ARHGAP24: variants seen among roughly 807,000 people sequenced by gnomAD.
The protein encoded by ARHGAP24 is Rho GTPase activating protein 24, also known as rho GTPase-activating protein 24.
ARHGAP24 carries 50 observed loss-of-function variants against 76.4 expected under a neutral mutation model. The observed-to-expected ratio is 0.65, with a 90% CI of 0.52 to 0.83. The LOEUF is 0.83. Among genes scored for constraint, ARHGAP24 ranks in the 40% least tolerant of loss-of-function variants. The pLI, the probability that ARHGAP24 is intolerant of heterozygous loss-of-function variation, is 0.00. For missense variants in ARHGAP24, 930 were observed against 914.2 expected (o/e 1.02, Z -0.22); for synonymous variants, 345 against 323.3 (o/e 1.07, Z -0.72).
chr4:85,981,232 G>A (rs1260683739), intron 8 of ARHGAP24, among the ~76,000 whole-genome samples: 1 of 152,122 alleles, frequency 6.6e-6, no homozygotes, highest in East Asian at 1.9e-4. Context: ...ATTCAGACTA[G>A]AGCATTTAGC....
At chr4:85,684,365 A>G (rs1400075913) in intron 2 of ARHGAP24, among the ~76,000 whole-genome samples, 1 of 152,182 alleles carries the variant, frequency 6.6e-6, no homozygotes. Context: ...ATGATTAATG[A>G]TGAAATATAT....
At chr4:85,896,274 A>G (rs926951460) in intron 3 of ARHGAP24, among the ~76,000 whole-genome samples, 2 of 152,170 alleles carry the variant, frequency 1.3e-5, no homozygotes, top group South Asian at 2.1e-4. Flanking sequence ...TTACTTTTTT[A>G]TGTTTACGAT....
chr4:85,510,821 C>T (rs1311249721), intron 1 of ARHGAP24, among the ~76,000 whole-genome samples: 1 of 5,114 alleles, frequency 2.0e-4, no homozygotes, highest in African/African-American at 2.7e-4. Flanking sequence ...TCCTCCTCCT[C>T]CTTCTCTCTC....
intron 2 of ARHGAP24, among the ~76,000 whole-genome samples, chr4:85,638,426 A>C (rs1033812360): frequency 6.6e-6 from 1 of 152,178 alleles, no homozygotes; most frequent in Non-Finnish European, 1.5e-5. Flanking sequence ...AAAGGGATGC[A>C]TTCTTCCACT....
At chr4:85,510,894 C>T (rs13145248) in intron 1 of ARHGAP24, among the ~76,000 whole-genome samples, 149,651 of 151,410 alleles carry the variant, frequency 0.99, 73,976 homozygotes, top group East Asian at 1. Flanking sequence ...GAAAGGAGAA[C>T]CCATGCCTCT....
chr4:85,794,443 T>G (rs1326883798), intron 3 of ARHGAP24, among the ~76,000 whole-genome samples: 1 of 152,204 alleles, frequency 6.6e-6, no homozygotes, highest in Non-Finnish European at 1.5e-5. Flanking sequence ...TATACAATGC[T>G]TTTTAAATAT....
chr4:85,996,571 A>C (rs758621129), intron 9 of ARHGAP24, among the ~76,000 whole-genome samples: 4 of 152,222 alleles, frequency 2.6e-5, no homozygotes, highest in Non-Finnish European at 2.9e-5. Flanking sequence ...AGACAAAAAG[A>C]TAACGTACTT....
chr4:85,867,865 T>C (rs892412202), intron 3 of ARHGAP24, among the ~76,000 whole-genome samples: 10 of 145,548 alleles, frequency 6.9e-5, no homozygotes, highest in African/African-American at 2.3e-4. Context: ...ATATATAACA[T>C]ATATATATAA....
chr4:85,788,345 C>G (rs1727952650), intron 3 of ARHGAP24, among the ~76,000 whole-genome samples: 1 of 152,212 alleles, frequency 6.6e-6, no homozygotes, highest in African/African-American at 2.4e-5. Flanking sequence ...TCTATTCCTT[C>G]TACACAAATT....
At position 85,549,537 on chromosome 4, in the gene ARHGAP24, GT is replaced by G. The variant is rs201203789; in HGVS notation, c.-20-20978del. 6.6e-3 allele frequency among the ~76,000 whole-genome samples: 1,011 copies of G among 152,060 alleles called. 18 individuals carry two copies. Among genetic ancestry groups the G allele is most frequent in the African/African-American group, 0.023 (969 of 41,456 alleles). On this transcript the variant is annotated intron_variant, in intron 1 of 9. Transcript: ENST00000395184. ...AGTCATTTGTATATTATGGATATAA[GT>G]TTTTTTAACAGATATATGCTTTGCA...
chr4:85,983,172 T>C (rs1739778311), intron 8 of ARHGAP24, among the ~76,000 whole-genome samples: 1 of 152,226 alleles, frequency 6.6e-6, no homozygotes, highest in African/African-American at 2.4e-5. Flanking sequence ...ATCCAGTCTA[T>C]CATTGATGGA....
At chr4:85,996,762 G>T (rs1740685430) in intron 9 of ARHGAP24, among the ~76,000 whole-genome samples, 1 of 152,060 alleles carries the variant, frequency 6.6e-6, no homozygotes, top group Admixed American at 6.6e-5. Flanking sequence ...ATCTTAAAAG[G>T]TTACTCTTCT....
At chr4:85,683,089 C>T (rs1723267717) in intron 2 of ARHGAP24, among the ~76,000 whole-genome samples, 1 of 102,512 alleles carries the variant, frequency 9.8e-6, no homozygotes, top group African/African-American at 4.3e-5. Flanking sequence ...CCTCCATCAA[C>T]TCTTAACTCT....
At chr4:85,710,543 G>A (rs765755991) in intron 2 of ARHGAP24, among the ~76,000 whole-genome samples, 19 of 152,132 alleles carry the variant, frequency 1.2e-4, no homozygotes, top group Non-Finnish European at 2.6e-4. Context: ...TACAGAATGG[G>A]AGCAAAATTT....
intron 2 of ARHGAP24, among the ~76,000 whole-genome samples, chr4:85,614,801 T>C (rs563903930): frequency 6.6e-6 from 1 of 152,214 alleles, no homozygotes; most frequent in South Asian, 2.1e-4. Context: ...ATATCATATA[T>C]TAGGATAGTA....
At chr4:85,615,437 T>C (rs1053922714) in intron 2 of ARHGAP24, among the ~76,000 whole-genome samples, 2 of 152,150 alleles carry the variant, frequency 1.3e-5, no homozygotes, top group East Asian at 3.8e-4. Context: ...ATGAATGTAA[T>C]TTAATATTCA....
chr4:85,894,969 AAAAAAAAAAAAAAAAAAAACAAAAC>A (rs765771793), intron 3 of ARHGAP24, among the ~76,000 whole-genome samples: 21,100 of 73,368 alleles, frequency 0.29, 2,738 homozygotes, highest in South Asian at 0.39. Context: ...TCAAAAAAAA[AAAAAAAAAAAAAAAAAAAACAAAAC>A]AAAAAGCAAA....
Position 85,962,547 on chromosome 4 carries a change from G to A in ARHGAP24, c.600-9489G>A, listed in dbSNP as rs142209457. Among the ~76,000 whole-genome samples, 532 of 152,082 alleles carry A rather than the reference G, an allele frequency of 3.5e-3. 2 individuals are homozygous for A. Among genetic ancestry groups the A allele is most frequent in the Non-Finnish European group, 5.5e-3 (373 of 67,926 alleles). On this transcript the variant is annotated intron_variant, in intron 5 of 9. Coordinates refer to ENST00000395184, the MANE Select transcript of ARHGAP24 (RefSeq NM_001025616.3). Reference sequence around the variant, plus strand: ...GTGTAACATTAAAATTTCTACAAATGTGTTTTCTTGTTGTGTCTCTTACAG... The same window carrying A: ...GTGTAACATTAAAATTTCTACAAATATGTTTTCTTGTTGTGTCTCTTACAG...
rs1741017144 is a variant in ARHGAP24 at position 86,001,515 on chromosome 4, G to A, written c.*793G>A. Reference sequence around the variant, plus strand: ...AAAATGGTAAAGAATGGCATTTAACGATTCAGGCTTTGAATTACTCTGTCC... The same window carrying A: ...AAAATGGTAAAGAATGGCATTTAACAATTCAGGCTTTGAATTACTCTGTCC... On this transcript the variant is annotated 3_prime_UTR_variant, in exon 10 of 10. Transcript: ENST00000395184. 7.5e-6 allele frequency: 3 copies of A among 398,292 alleles called. No individual in the cohort carries two copies. The highest frequency in any genetic ancestry group is 8.8e-5 in the Admixed American group (2 of 22,728). The allele number at this position is 398,292 out of a possible 1,614,324, so 24.7% of individuals were successfully genotyped here. A position where few individuals can be genotyped will look rare whatever the true frequency, so the allele number is the denominator to read the frequency against.
Sources: allele counts gnomAD v4.1 joint callset (sites outside exome capture counted in the v4.1 genomes callset), GRCh38; gene constraint gnomAD v4.1.1; transcripts MANE v1.5; gene names NCBI Gene and HGNC (gene_info 2026-07-23, HGNC 2026-07-21).